Variants in FGD5 observed in about 807,000 individuals in gnomAD.
FGD5 encodes the protein FYVE, RhoGEF and PH domain-containing protein 5.
Under a neutral mutation model 133.4 loss-of-function variants are expected in FGD5, and 28 were observed. The ratio of observed to expected loss-of-function variants is 0.21; its 90% CI spans 0.16 to 0.29. The LOEUF (loss-of-function observed/expected upper bound fraction) is 0.29. Ranked by LOEUF, FGD5 falls within the 10% of genes least tolerant of loss-of-function variation. FGD5 has a pLI of 1.00. For synonymous variants in FGD5, 810 were observed against 776.5 expected (o/e 1.04, Z -0.72); for missense variants, 1,858 against 1,895.2 (o/e 0.98, Z 0.36).
rs1290245367 is a variant in FGD5 at position 14,933,665 on chromosome 3, T to C, written c.*498T>C. On this transcript the variant is annotated 3_prime_UTR_variant, in exon 20 of 20. Coordinates refer to ENST00000285046, the MANE Select transcript of FGD5 (RefSeq NM_152536.4). ...TACGGAGCTGCAACCTCCAATTTTGTGTTTTCTAAGTGATTTACTTAAGTC... is the reference window on the plus strand; with the variant it reads ...TACGGAGCTGCAACCTCCAATTTTGCGTTTTCTAAGTGATTTACTTAAGTC... 6.2e-6 allele frequency: 1 copy of C among 161,254 alleles called. No homozygotes were observed. Among genetic ancestry groups the C allele is most frequent in the Non-Finnish European group, 1.4e-5 (1 of 72,766 alleles). The allele number at this position is 161,254 out of a possible 1,614,324, so 10.0% of individuals were successfully genotyped here. A position where few individuals can be genotyped will look rare whatever the true frequency, so the allele number is the denominator to read the frequency against.
At position 14,917,204 on chromosome 3, in the gene FGD5, G is replaced by C. The variant is rs779173926; in HGVS notation, c.3406-45G>C. The C allele has an allele frequency of 1.3e-6, 2 of 1,564,752 alleles. No homozygotes were observed. The highest frequency in any genetic ancestry group is 4.6e-5 in the East Asian group (2 of 43,674). On this transcript the variant is annotated intron_variant, in intron 11 of 19. Transcript: ENST00000285046. This position sits in a 1 kb window ranked among gnomAD's most constrained non-coding sequence, Gnocchi z 4.1. ...CCTTTGAGGACAGAAGCCTGGCGCA[G>C]CCTTCTGGGGCCAGGGTCCTCTCAT...
At chr3:14,919,610 T>C (rs1460392732) in intron 13 of FGD5, among the ~76,000 whole-genome samples, 1 of 152,102 alleles carries the variant, frequency 6.6e-6, no homozygotes, top group Non-Finnish European at 1.5e-5. Context: ...AGAGCAAGAC[T>C]CCGTCTCAAA....
At chr3:14,887,896 T>C (rs1409139875) in intron 4 of FGD5, among the ~76,000 whole-genome samples, 4 of 152,012 alleles carry the variant, frequency 2.6e-5, no homozygotes, top group Non-Finnish European at 1.5e-5. Context: ...CCCGGTATGG[T>C]GGCTCACACC....
At chr3:14,838,301 G>C (rs1314912405) in intron 1 of FGD5, among the ~76,000 whole-genome samples, 4 of 152,128 alleles carry the variant, frequency 2.6e-5, no homozygotes, top group Non-Finnish European at 1.5e-5. Context: ...CTGCTTCTAA[G>C]GACCTGTGTG....
At chr3:14,862,381 C>T (rs1273966571) in intron 1 of FGD5, among the ~76,000 whole-genome samples, 1 of 152,170 alleles carries the variant, frequency 6.6e-6, no homozygotes, top group African/African-American at 2.4e-5. Context: ...CCAGTCCATG[C>T]AGTCACTTTA....
rs2038243557 is a variant in FGD5, at chr3:14,901,750, G to A, written c.3264+689G>A. The stretch of plus-strand genomic sequence containing the variant: ...CCGAGGAGGTGCTATACTTTGCTGT[G>A]GCAGAGACACAGTGAGTCATCCACA... On this transcript the variant is annotated intron_variant, in intron 9 of 19. Transcript: ENST00000285046. Among the ~76,000 whole-genome samples the A allele has an allele frequency of 1.3e-5, 2 of 152,202 alleles. 1 individual carries two copies. The highest frequency in any genetic ancestry group is 4.1e-4 in the South Asian group (2 of 4,836).
intron 9 of FGD5, among the ~76,000 whole-genome samples, chr3:14,907,064 T>C (rs1316048260): frequency 1.3e-5 from 2 of 152,230 alleles, no homozygotes; most frequent in Non-Finnish European, 2.9e-5. Context: ...CTTACAACTT[T>C]AGAACCTGCC....
chr3:14,900,735 G>T (rs1013396799), intron 8 of FGD5, among the ~76,000 whole-genome samples: 1 of 152,152 alleles, frequency 6.6e-6, no homozygotes, highest in Admixed American at 6.5e-5. Flanking sequence ...GGTGGTGCCA[G>T]GTCTGAAAAG....
At chr3:14,919,634 C>G (rs969102285) in intron 13 of FGD5, among the ~76,000 whole-genome samples, 1 of 152,042 alleles carries the variant, frequency 6.6e-6, no homozygotes, top group Non-Finnish European at 1.5e-5. Context: ...AAAACAAAAA[C>G]AAAAACAAAA....
At chr3:14,918,263 C>T (rs1006864224) in intron 12 of FGD5, among the ~76,000 whole-genome samples, 1 of 152,172 alleles carries the variant, frequency 6.6e-6, no homozygotes, top group African/African-American at 2.4e-5. Context: ...ACAGTGGAGC[C>T]GCAGGCGGTT....
chr3:14,901,604 C>T (rs982260792), intron 9 of FGD5, among the ~76,000 whole-genome samples: 1 of 152,202 alleles, frequency 6.6e-6, no homozygotes, highest in African/African-American at 2.4e-5. Context: ...AAGCTGTAGG[C>T]ATGCCAGCGC....
chr3:14,902,911 C>T (rs948244705), intron 9 of FGD5, among the ~76,000 whole-genome samples: 5 of 152,162 alleles, frequency 3.3e-5, no homozygotes, highest in African/African-American at 9.7e-5. Context: ...GAGCAGCCGA[C>T]GGCCAGACAC....
chr3:14,856,041 G>T (rs2037271489), intron 1 of FGD5, among the ~76,000 whole-genome samples: 1 of 151,926 alleles, frequency 6.6e-6, no homozygotes, highest in South Asian at 2.1e-4. Context: ...TCCCTTTTGA[G>T]GTTGATTTTT....
chr3:14,858,122 C>G (rs1023718093), intron 1 of FGD5, among the ~76,000 whole-genome samples: 2 of 152,190 alleles, frequency 1.3e-5, no homozygotes, highest in Non-Finnish European at 2.9e-5. Flanking sequence ...ACTCTGTACT[C>G]TCTCTGGGCT....
intron 4 of FGD5, among the ~76,000 whole-genome samples, chr3:14,886,317 G>A (rs1559493445): frequency 6.6e-6 from 1 of 152,210 alleles, no homozygotes; most frequent in Non-Finnish European, 1.5e-5. Flanking sequence ...AGAGGAAGCT[G>A]AGTGAAAGCT....
At chr3:14,887,150 C>G (rs2099490) in intron 4 of FGD5, among the ~76,000 whole-genome samples, 5,325 of 152,250 alleles carry the variant, frequency 0.035, 265 homozygotes, top group East Asian at 0.21. Flanking sequence ...TTGTATGTCT[C>G]TCCGTCAGTT....
At chr3:14,875,591 T>G (rs1002108793) in intron 2 of FGD5, among the ~76,000 whole-genome samples, 2 of 152,078 alleles carry the variant, frequency 1.3e-5, no homozygotes, top group African/African-American at 4.8e-5. Context: ...GCTGGGAGCC[T>G]CTGCAGCCAC....
intron 1 of FGD5, among the ~76,000 whole-genome samples, chr3:14,824,701 A>G (rs2036569952): frequency 6.6e-6 from 1 of 152,178 alleles, no homozygotes; most frequent in Admixed American, 6.5e-5. Context: ...TACTGCCTAT[A>G]CTTTGACTCA....
At chr3:14,834,574 T>G (rs2036778401) in intron 1 of FGD5, among the ~76,000 whole-genome samples, 1 of 152,236 alleles carries the variant, frequency 6.6e-6, no homozygotes, top group Non-Finnish European at 1.5e-5. Context: ...GAATGCAGTT[T>G]GAACACCCTA....
Sources: allele counts gnomAD v4.1 joint callset (sites outside exome capture counted in the v4.1 genomes callset), GRCh38; gene constraint gnomAD v4.1.1; non-coding constraint Gnocchi (gnomAD v3.1); transcripts MANE v1.5; gene names NCBI Gene and HGNC (gene_info 2026-07-23, HGNC 2026-07-21).